Variants in GPR137 observed in about 807,000 individuals in gnomAD.
GPR137 encodes integral membrane protein GPR137.
Under a neutral mutation model 38.9 loss-of-function variants are expected in GPR137, and 20 were observed. The ratio of observed to expected loss-of-function variants is 0.51; its 90% confidence interval spans 0.36 to 0.75. The LOEUF (loss-of-function observed/expected upper bound fraction) is 0.75. Ranked by LOEUF, GPR137 falls within the 30% of genes least tolerant of loss-of-function variation. The probability of loss-of-function intolerance (pLI) is 0.00; values close to 1 mark genes in which losing one functional copy is unlikely to be tolerated. For missense variants in GPR137, 456 were observed against 526.4 expected (o/e 0.87, Z 1.31); for synonymous variants, 226 against 235.8 (o/e 0.96, Z 0.38).
In GPR137 at chr11:64,286,768, C is replaced by A. The variant is rs759344239; in HGVS notation, c.244C>A (p.Arg82=). The change falls in exon 1 of 7, where the codon CGA becomes AGA. Residue 82 remains arginine (R), a synonymous_variant. Coordinates refer to ENST00000438980, the MANE Select transcript of GPR137 (RefSeq NM_001170880.2). The part of the protein sequence containing the change: ...LRTTLFSFYF[R]DTPRANRLGP... Reference sequence around the variant, plus strand: ...TACCACCCTCTTCTCCTTCTACTTCCGAGATACTCCCCGCGCCAACCGCCT... The same window carrying A: ...TACCACCCTCTTCTCCTTCTACTTCAGAGATACTCCCCGCGCCAACCGCCT... 6.2e-7 allele frequency: 1 copy of A among 1,611,926 alleles called. No homozygotes were observed. The highest frequency in any genetic ancestry group is 1.1e-5 in the South Asian group (1 of 90,866).
intron 2 of GPR137, among the ~76,000 whole-genome samples, chr11:64,279,004 CCT>C (rs1199277180): frequency 6.6e-6 from 1 of 152,172 alleles, no homozygotes; most frequent in Non-Finnish European, 1.5e-5. Context: ...CTCCCGCAGC[CCT>C]CTTTCCTACG....
rs2033127608 is a variant in GPR137, at chr11:64,277,122, G to A, written c.-16+701G>A. ...CTGAATTGCACACTTAATTAAAACA[G>A]TGGTGTTCCAGACCGTTTGGAGCAG... is the stretch of plus-strand genomic sequence containing the variant. On this transcript the variant is annotated intron_variant, in intron 2 of 2. Coordinates refer to the GPR137 transcript ENST00000538244. 3.4e-5 allele frequency: 22 copies of A among 644,356 alleles called. No individual in the cohort carries two copies. The South Asian group carries it at 3.9e-4, about 11-fold the overall frequency. The allele number at this position is 644,356 out of a possible 1,614,324, so 39.9% of individuals were successfully genotyped here.
At chr11:64,280,858 G>T (rs2033422271), upstream of GPR137, among the ~76,000 whole-genome samples, 1 of 151,036 alleles carries the variant, frequency 6.6e-6, no homozygotes, top group Non-Finnish European at 1.5e-5. Context: ...AGTAGAGACA[G>T]GATTTCACCA....
chr11:64,276,268 ATATATT>A (rs1340536594), intron 1 of GPR137: 1 of 137,658 alleles, frequency 7.3e-6, no homozygotes, highest in Non-Finnish European at 1.5e-5. Context: ...ACAAATATAC[ATATATT>A]TATGTGTGTG....
intron 2 of GPR137, among the ~76,000 whole-genome samples, chr11:64,278,382 A>AAAAAT (rs2033208935): frequency 6.8e-6 from 1 of 148,076 alleles, no homozygotes; most frequent in Admixed American, 6.8e-5. Context: ...AATTATATAT[A>AAAAAT]TATATTTATA....
At position 64,288,445 on chromosome 11, in the gene GPR137, G is replaced by C; in HGVS notation, c.889G>C (p.Val297Leu). ...PTTLLVGFFR[V>L]HRPPQDLSTS... is the part of the protein sequence containing the mutation. ...CACCCTGCTGGTGGGCTTCTTCCGG[G>C]TGCACCGGCCCCCACAGGACCTGGT... The change falls in exon 5 of 7, where the codon GTG becomes CTG. Residue 297 changes from valine (V) to leucine (L), a missense_variant. Transcript: ENST00000438980. The surrounding 1 kb of genome is among the most constrained non-coding windows in gnomAD (Gnocchi z 5.5). 1 of 1,613,490 alleles carries C rather than the reference G, an allele frequency of 6.2e-7. No homozygotes were observed. The highest frequency in any genetic ancestry group is 8.5e-7 in the Non-Finnish European group (1 of 1,179,972).
chr11:64,273,106 C>T (rs144831231), upstream of GPR137, among the ~76,000 whole-genome samples: 471 of 152,326 alleles, frequency 3.1e-3, 3 homozygotes, highest in African/African-American at 9.5e-3. Flanking sequence ...TGGTGGCTCA[C>T]GCCAGTAATC....
upstream of GPR137, chr11:64,285,109 G>A: frequency 9.5e-7 from 1 of 1,053,932 alleles, no homozygotes; most frequent in Non-Finnish European, 1.1e-6. Context: ...CTCAGCCGTC[G>A]GATGTGATTA....
At position 64,286,244 on chromosome 11, in the gene GPR137, G is replaced by A; in HGVS notation, c.-281G>A. The A allele has an allele frequency of 1.6e-6, 2 of 1,262,966 alleles. No homozygotes were observed. Among genetic ancestry groups the A allele is most frequent in the Non-Finnish European group, 2.0e-6 (2 of 1,002,282 alleles). The allele number at this position is 1,262,966 out of a possible 1,614,324, so 78.2% of individuals were successfully genotyped here. A position where few individuals can be genotyped will look rare whatever the true frequency, so the allele number is the denominator to read the frequency against. On this transcript the variant is annotated 5_prime_UTR_variant, in exon 1 of 7. Transcript: ENST00000438980. The stretch of plus-strand genomic sequence containing the variant: ...CATCCTTGGCTCTGGGGTAGGCCCA[G>A]GGAGGAGACACCCCCAACCCCTATC...
upstream of GPR137, among the ~76,000 whole-genome samples, chr11:64,279,907 G>A (rs1181791570): frequency 1.3e-5 from 2 of 152,008 alleles, no homozygotes; most frequent in Non-Finnish European, 2.9e-5. Context: ...GTGTTGGCTG[G>A]GCACTGTGGC....
chr11:64,274,927 G>A (rs2032939732), upstream of GPR137, among the ~76,000 whole-genome samples: 1 of 141,156 alleles, frequency 7.1e-6, no homozygotes, highest in Non-Finnish European at 1.5e-5. Context: ...GGAGGTTGCA[G>A]TGAGCTGAGA....
rs760139227 is a variant in GPR137, at chr11:64,287,711, G to T, written c.408-10G>T. 2 of 1,603,052 alleles carry T rather than the reference G, an allele frequency of 1.2e-6. No individual in the cohort carries two copies. Among genetic ancestry groups the T allele is most frequent in the South Asian group, 2.2e-5 (2 of 91,050 alleles). On this transcript the variant is annotated splice_polypyrimidine_tract_variant and intron_variant, in intron 2 of 6. Transcript: ENST00000438980. ...GTTGAGGGCCCGCGCTGACTGTGCT[G>T]TGGCTGCAGGCTCGCTGTCCGAGGG...
upstream of GPR137, chr11:64,285,470 G>A: frequency 4.1e-6 from 4 of 983,780 alleles, no homozygotes; most frequent in Non-Finnish European, 4.8e-6. Flanking sequence ...GGCGGGGCCC[G>A]GGGGCCATCT....
intron 2 of GPR137, chr11:64,276,777 G>A (rs1424800889): frequency 3.2e-6 from 2 of 621,280 alleles, no homozygotes; most frequent in East Asian, 5.6e-5. Context: ...TCCTCCTTGG[G>A]TGTGAACGTG....
At chr11:64,285,781 C>A (rs1172743508), upstream of GPR137, 1 of 985,294 alleles carries the variant, frequency 1.0e-6, no homozygotes, top group African/African-American at 1.7e-5. Context: ...GACTGCGGAG[C>A]CAGCCGGGCC....
upstream of GPR137, chr11:64,271,578 C>T (rs2032612857): frequency 7.2e-7 from 1 of 1,391,224 alleles, no homozygotes; most frequent in South Asian, 1.6e-5. Flanking sequence ...CGGCCTGGTA[C>T]TTCAGGTCCT....
Position 64,288,892 on chromosome 11 carries a change from C to T in GPR137, c.1032-145C>T, listed in dbSNP as rs530885822. 143 of 1,439,866 alleles carry T rather than the reference C, an allele frequency of 9.9e-5. No individual in the cohort carries two copies. The highest frequency in any genetic ancestry group is 1.2e-4 in the Non-Finnish European group (134 of 1,101,850). 89.2% of individuals were successfully genotyped at this position (1,439,866 alleles called of 1,614,324 possible). On this transcript the variant is annotated intron_variant, in intron 6 of 6. Transcript: ENST00000438980. This position sits in a 1 kb window ranked among gnomAD's most constrained non-coding sequence, Gnocchi z 5.5. Reference sequence around the variant, plus strand: ...CCTGGGTTCCTATTGCTAAAGCCTCCACCTCTTGCCTAGAGATGTACTTTG... The same window carrying T: ...CCTGGGTTCCTATTGCTAAAGCCTCTACCTCTTGCCTAGAGATGTACTTTG...
At chr11:64,271,733 C>T (rs777345859), upstream of GPR137, 2 of 1,449,552 alleles carry the variant, frequency 1.4e-6, no homozygotes, top group Non-Finnish European at 1.8e-6. Flanking sequence ...GCTCCTCCCC[C>T]ATCCCTTCGT....
chr11:64,271,579 T>C (rs2032613055), upstream of GPR137: 3 of 1,392,062 alleles, frequency 2.2e-6, no homozygotes, highest in South Asian at 4.8e-5. Context: ...GGCCTGGTAC[T>C]TCAGGTCCTG....
Sources: allele counts gnomAD v4.1 joint callset (sites outside exome capture counted in the v4.1 genomes callset), GRCh38; gene constraint gnomAD v4.1.1; non-coding constraint Gnocchi (gnomAD v3.1); transcripts MANE v1.5; gene names NCBI Gene and HGNC (gene_info 2026-07-23, HGNC 2026-07-21).